Variants in ELMO1 observed in about 807,000 individuals in gnomAD.
The protein encoded by ELMO1 is engulfment and cell motility protein 1.
In ELMO1, 26 loss-of-function variants were observed where a neutral mutation model predicts 98.9. The ratio of observed to expected loss-of-function variants is 0.26; its 90% confidence interval spans 0.19 to 0.36. The LOEUF (loss-of-function observed/expected upper bound fraction) is 0.36, where lower values mean the gene tolerates loss of function less well. ELMO1 is among the 10% of genes least tolerant of loss of function. The pLI is 1.00. For missense variants in ELMO1, 627 were observed against 935.2 expected (o/e 0.67, Z 4.30); for synonymous variants, 346 against 346.0 (o/e 1.00, Z 0.00).
chr7:36,924,980 C>CA (rs1562828822), intron 16 of ELMO1, among the ~76,000 whole-genome samples: 1 of 152,188 alleles, frequency 6.6e-6, no homozygotes, highest in Non-Finnish European at 1.5e-5. Context: ...GAACACAGGG[C>CA]AAAGTCTGAT....
intron 15 of ELMO1, among the ~76,000 whole-genome samples, chr7:37,055,261 A>G (rs1316317202): frequency 2.0e-5 from 3 of 152,232 alleles, no homozygotes; most frequent in Non-Finnish European, 4.4e-5. Context: ...CAGAATATAC[A>G]GTGAAGAACA....
intron 13 of ELMO1, among the ~76,000 whole-genome samples, chr7:37,175,239 C>T (rs897461284): frequency 6.6e-5 from 10 of 152,148 alleles, no homozygotes; most frequent in Non-Finnish European, 8.8e-5. Context: ...GTGTTTGTTC[C>T]TTCCAAATTT....
intron 13 of ELMO1, among the ~76,000 whole-genome samples, chr7:37,182,703 A>G (rs1790959160): frequency 6.6e-6 from 1 of 152,038 alleles, no homozygotes; most frequent in African/African-American, 2.4e-5. Context: ...TAAAAAGCCA[A>G]GAGGCTTGGG....
At chr7:37,295,687 GA>G in intron 4 of ELMO1, among the ~76,000 whole-genome samples, 1 of 152,206 alleles carries the variant, frequency 6.6e-6, no homozygotes, top group East Asian at 1.9e-4. Context: ...TCAAATAATG[GA>G]AACTTTTTGT....
intron 14 of ELMO1, among the ~76,000 whole-genome samples, chr7:37,126,381 G>C (rs1018607541): frequency 2.0e-5 from 3 of 150,264 alleles, no homozygotes; most frequent in African/African-American, 7.3e-5. Context: ...GAATCAAACA[G>C]AGAAAAGGGG....
intron 2 of ELMO1, among the ~76,000 whole-genome samples, chr7:37,316,833 A>G (rs1183693030): frequency 6.6e-6 from 1 of 152,204 alleles, no homozygotes; most frequent in Non-Finnish European, 1.5e-5. Flanking sequence ...CAAAACCATA[A>G]AAAAGCTGTC....
At chr7:37,429,802 A>AT (rs987351459) in intron 1 of ELMO1, 1 of 152,338 alleles carries the variant, frequency 6.6e-6, no homozygotes, top group Non-Finnish European at 1.5e-5. Flanking sequence ...AGGATGAGGA[A>AT]TGGAACTAGA....
intron 13 of ELMO1, among the ~76,000 whole-genome samples, chr7:37,163,680 T>G (rs569328922): frequency 6.6e-6 from 1 of 152,384 alleles, no homozygotes; most frequent in East Asian, 1.9e-4. Flanking sequence ...ACTCATTTTA[T>G]GGCTGCATAG....
rs1055522565 is a variant in ELMO1, at chr7:37,276,566, A to G, written c.193-4684T>C. Among the ~76,000 whole-genome samples, 62 of 152,316 alleles carry G rather than the reference A, an allele frequency of 4.1e-4. 1 individual carries two copies. Among genetic ancestry groups the G allele is most frequent in the African/African-American group, 1.3e-3 (53 of 41,564 alleles). ...GCGGAGCTTGCAGTGAGCCGAGATT[A>G]CGCCACTGCACTCCAGCCTGGGTGA... On this transcript the variant is annotated intron_variant, in intron 4 of 21. Coordinates refer to ENST00000310758, the MANE Select transcript of ELMO1 (RefSeq NM_014800.11).
intron 16 of ELMO1, among the ~76,000 whole-genome samples, chr7:36,991,789 C>G (rs891612394): frequency 1.3e-5 from 2 of 152,116 alleles, no homozygotes; most frequent in Admixed American, 1.3e-4. Context: ...AGGAGAGTAA[C>G]AAAAAATGCA....
At position 37,385,746 on chromosome 7, in the gene ELMO1, G is replaced by A. The variant is rs150584270; in HGVS notation, c.-73-42983C>T. On this transcript the variant is annotated intron_variant, in intron 1 of 21. Transcript: ENST00000310758. ...ATTTGTTGAGTGAACAGCTGAGCGA[G>A]CGCTAGCTTCCCACATGGCAAAATG... Among the ~76,000 whole-genome samples, 312 of 152,370 alleles carry A rather than the reference G, an allele frequency of 2.0e-3. 1 individual carries two copies. The highest frequency in any genetic ancestry group is 7.1e-3 in the African/African-American group (294 of 41,580).
intron 4 of ELMO1, among the ~76,000 whole-genome samples, chr7:37,305,638 A>G (rs1052766397): frequency 2.6e-5 from 4 of 152,220 alleles, no homozygotes; most frequent in African/African-American, 9.6e-5. Context: ...GTCTTCTGGT[A>G]ATTGAATTAA....
chr7:37,362,322 C>T (rs1175491854), intron 1 of ELMO1, among the ~76,000 whole-genome samples: 1 of 152,092 alleles, frequency 6.6e-6, no homozygotes, highest in Non-Finnish European at 1.5e-5. Flanking sequence ...AGACATTGAA[C>T]ACAAAACACA....
intron 16 of ELMO1, among the ~76,000 whole-genome samples, chr7:36,983,870 C>CGTTTTTAGGT (rs1376072613): frequency 6.6e-6 from 1 of 151,998 alleles, no homozygotes. Context: ...TGCATGAATG[C>CGTTTTTAGGT]GTTTTTAGGT....
At chr7:37,434,791 C>T (rs1583758512) in intron 1 of ELMO1, among the ~76,000 whole-genome samples, 1 of 152,194 alleles carries the variant, frequency 6.6e-6, no homozygotes, top group Non-Finnish European at 1.5e-5. Context: ...CCTTCATGTG[C>T]TAGTTGTCTG....
chr7:37,224,650 C>T (rs577183209), intron 9 of ELMO1, among the ~76,000 whole-genome samples: 2 of 152,140 alleles, frequency 1.3e-5, no homozygotes, highest in East Asian at 1.9e-4. Context: ...AAGGGCCAGG[C>T]GTGGGGACAG....
At chr7:37,386,086 A>G (rs1583665272) in intron 1 of ELMO1, among the ~76,000 whole-genome samples, 1 of 151,444 alleles carries the variant, frequency 6.6e-6, no homozygotes, top group Admixed American at 6.6e-5. Context: ...AGTGCCTGCA[A>G]CCCACAGTGG....
intron 13 of ELMO1, among the ~76,000 whole-genome samples, chr7:37,168,036 T>C (rs1789849434): frequency 6.6e-6 from 1 of 151,626 alleles, no homozygotes; most frequent in Non-Finnish European, 1.5e-5. Flanking sequence ...CTTTGTTCAT[T>C]TCTTTTTATT....
chr7:37,041,788 AAC>A (rs1303901894), intron 15 of ELMO1, among the ~76,000 whole-genome samples: 3 of 152,200 alleles, frequency 2.0e-5, no homozygotes, highest in Non-Finnish European at 2.9e-5. Flanking sequence ...CCACCCCAGG[AAC>A]ACTGGCTGTG....
Sources: allele counts gnomAD v4.1 joint callset (sites outside exome capture counted in the v4.1 genomes callset), GRCh38; gene constraint gnomAD v4.1.1; transcripts MANE v1.5; gene names NCBI Gene and HGNC (gene_info 2026-07-23, HGNC 2026-07-21).